CNTN1: variants seen among roughly 807,000 people sequenced by gnomAD.
CNTN1 encodes the protein contactin 1.
CNTN1 carries 38 observed loss-of-function variants against 126.4 expected under a neutral mutation model. The ratio of observed to expected loss-of-function variants is 0.30; its 90% confidence interval spans 0.23 to 0.39. The LOEUF (loss-of-function observed/expected upper bound fraction) is 0.39. Among genes scored for constraint, CNTN1 ranks in the 10% least tolerant of loss-of-function variants. The pLI is 1.00. For missense variants in CNTN1, 1,009 were observed against 1,248.4 expected (o/e 0.81, Z 2.89); for synonymous variants, 413 against 422.6 (o/e 0.98, Z 0.28).
chr12:40,929,072 T>G (rs1024366239), intron 6 of CNTN1, among the ~76,000 whole-genome samples: 2 of 151,894 alleles, frequency 1.3e-5, no homozygotes, highest in African/African-American at 4.8e-5. Context: ...GAATGACTCC[T>G]GGGGAGTCAT....
At chr12:40,719,860 C>G (rs749144326) in intron 1 of CNTN1, among the ~76,000 whole-genome samples, 1 of 152,014 alleles carries the variant, frequency 6.6e-6, no homozygotes, top group Non-Finnish European at 1.5e-5. Context: ...TCTTTTGAGA[C>G]GGAGTCTCGC....
intron 1 of CNTN1, among the ~76,000 whole-genome samples, chr12:40,854,762 G>A (rs976158281): frequency 1.3e-5 from 2 of 152,132 alleles, no homozygotes; most frequent in African/African-American, 4.8e-5. Context: ...ACTGATTTCA[G>A]AATTGAGACC....
chr12:40,952,203 C>A (rs756788901), intron 14 of CNTN1, among the ~76,000 whole-genome samples: 1 of 151,986 alleles, frequency 6.6e-6, no homozygotes, highest in Non-Finnish European at 1.5e-5. Flanking sequence ...CTATATATTA[C>A]CTATGGAGCC....
intron 15 of CNTN1, among the ~76,000 whole-genome samples, chr12:40,975,048 T>A (rs1240375528): frequency 6.6e-6 from 1 of 151,668 alleles, no homozygotes; most frequent in Non-Finnish European, 1.5e-5. Context: ...TGAAAATAGA[T>A]GTTTTCTCAT....
intron 1 of CNTN1, among the ~76,000 whole-genome samples, chr12:40,906,649 T>G (rs1944828640): frequency 6.7e-6 from 1 of 149,932 alleles, no homozygotes; most frequent in African/African-American, 2.4e-5. Context: ...TGTGTTTTCC[T>G]TTTAAAATTG....
At chr12:40,836,008 G>A (rs2034160) in intron 1 of CNTN1, among the ~76,000 whole-genome samples, 5,505 of 148,188 alleles carry the variant, frequency 0.037, 333 homozygotes, top group Admixed American at 0.14. Flanking sequence ...GTGTGTGTGT[G>A]TATATATGTA....
chr12:40,966,466 C>A (rs1164898328), intron 15 of CNTN1, among the ~76,000 whole-genome samples: 1 of 152,100 alleles, frequency 6.6e-6, no homozygotes, highest in Non-Finnish European at 1.5e-5. Flanking sequence ...AGAAATACGA[C>A]TGGGCTGGTT....
At chr12:40,995,067 T>C (rs972806988) in intron 17 of CNTN1, among the ~76,000 whole-genome samples, 1 of 152,108 alleles carries the variant, frequency 6.6e-6, no homozygotes, top group Non-Finnish European at 1.5e-5. Context: ...TTAAATGAAA[T>C]GGATGTGAAA....
chr12:40,981,575 A>G (rs1947823618), intron 16 of CNTN1, among the ~76,000 whole-genome samples: 1 of 152,090 alleles, frequency 6.6e-6, no homozygotes, highest in African/African-American at 2.4e-5. Context: ...ATTTTTAAAG[A>G]CATTTTGGAT....
chr12:40,860,388 C>T (rs1403683355), intron 1 of CNTN1, among the ~76,000 whole-genome samples: 2 of 152,074 alleles, frequency 1.3e-5, no homozygotes, highest in African/African-American at 4.8e-5. Flanking sequence ...TTCAACAATT[C>T]AATTCAATTG....
chr12:40,985,457 C>T (rs574356801), intron 16 of CNTN1, among the ~76,000 whole-genome samples: 2 of 152,112 alleles, frequency 1.3e-5, no homozygotes, highest in East Asian at 3.9e-4. Context: ...TCTTTAATTT[C>T]ATCTTTAAGT....
At chr12:41,011,198 A>G (rs1948643862) in intron 17 of CNTN1, among the ~76,000 whole-genome samples, 3 of 152,214 alleles carry the variant, frequency 2.0e-5, no homozygotes, top group African/African-American at 7.2e-5. Flanking sequence ...GGTGACCCCA[A>G]ATAACGGGGA....
rs118062462 is a variant in CNTN1, at chr12:40,941,630, G to A, written c.1380-1967G>A. Among the ~76,000 whole-genome samples the A allele has an allele frequency of 7.5e-3, 1,143 of 152,120 alleles. 9 individuals are homozygous for A. Among genetic ancestry groups the A allele is most frequent in the Middle Eastern group, 0.038 (11 of 288 alleles). Reference sequence around the variant, plus strand: ...CTTTGTAATTAGCAGAATTAAGTTAGTTGCTAATTTAAATTCAATGGATTG... The same window carrying A: ...CTTTGTAATTAGCAGAATTAAGTTAATTGCTAATTTAAATTCAATGGATTG... On this transcript the variant is annotated intron_variant, in intron 12 of 23. Transcript: ENST00000551295.
chr12:40,815,301 T>A (rs111346458), intron 1 of CNTN1, among the ~76,000 whole-genome samples: 3,456 of 152,258 alleles, frequency 0.023, 129 homozygotes, highest in African/African-American at 0.077. Context: ...TATTTTTCCA[T>A]TTGTTTGTGT....
At chr12:40,905,139 A>G (rs1944762588) in intron 1 of CNTN1, among the ~76,000 whole-genome samples, 1 of 152,236 alleles carries the variant, frequency 6.6e-6, no homozygotes, top group Non-Finnish European at 1.5e-5. Flanking sequence ...ATTTTGGCAC[A>G]TGTTCCCATA....
chr12:41,043,927 C>G (rs1314787784), intron 23 of CNTN1, among the ~76,000 whole-genome samples: 1 of 139,798 alleles, frequency 7.2e-6, no homozygotes, highest in East Asian at 2.1e-4. Flanking sequence ...CATGTTCTCA[C>G]TCATAGGTGG....
In CNTN1 at chr12:40,926,598, C is replaced by T. The variant is rs75228563; in HGVS notation, c.496+1946C>T. Among the ~76,000 whole-genome samples, 184 of 152,054 alleles carry T rather than the reference C, an allele frequency of 1.2e-3. 2 individuals are homozygous for T. The East Asian group carries it at 0.018, about 15-fold the overall frequency. On this transcript the variant is annotated intron_variant, in intron 6 of 23. Transcript: ENST00000551295. ...CATGACTTAAGTTATAGAAAGGTGACTCTGGTTACTGTTTTAAGAAAGGAC... is the reference window on the plus strand; with the variant it reads ...CATGACTTAAGTTATAGAAAGGTGATTCTGGTTACTGTTTTAAGAAAGGAC...
chr12:40,706,762 T>C (rs1037004853), intron 1 of CNTN1, among the ~76,000 whole-genome samples: 5 of 152,200 alleles, frequency 3.3e-5, no homozygotes, highest in African/African-American at 1.2e-4. Context: ...ATCATGATAA[T>C]ATATGTGCTG....
intron 1 of CNTN1, among the ~76,000 whole-genome samples, chr12:40,791,749 G>T (rs1366519636): frequency 6.6e-6 from 1 of 152,050 alleles, no homozygotes; most frequent in African/African-American, 2.4e-5. Flanking sequence ...CGCAAAAATG[G>T]TCTCCAAAAA....
Sources: gnomAD v4.1 joint callset for allele counts (sites outside exome capture counted in the v4.1 genomes callset) on GRCh38, gnomAD v4.1.1 for gene constraint, MANE v1.5 for transcripts, NCBI Gene and HGNC (gene_info 2026-07-23, HGNC 2026-07-21) for gene names.